The following C5AR1 variants were observed in gnomAD, a reference collection of about 807,000 sequenced individuals.
C5AR1 encodes the protein C5a anaphylatoxin chemotactic receptor 1.
A neutral mutation model predicts 2.4 loss-of-function variants in C5AR1; 4 were observed. That is an observed-to-expected ratio of 1.65 (90% CI 0.81 to 3.77). The LOEUF (loss-of-function observed/expected upper bound fraction) is 3.77. C5AR1 is among the 30% of genes most tolerant of loss of function. The probability of loss-of-function intolerance (pLI) is 0.01; values close to 1 mark genes in which losing one functional copy is unlikely to be tolerated. For synonymous variants in C5AR1, 209 were observed against 210.4 expected (o/e 0.99, Z 0.06); for missense variants, 418 against 462.5 (o/e 0.90, Z 0.88).
intron 1 of C5AR1, among the ~76,000 whole-genome samples, chr19:47,311,057 C>T (rs148062166): frequency 7.2e-5 from 11 of 152,250 alleles, no homozygotes; most frequent in East Asian, 1.9e-4. Context: ...AAAGAGGAAA[C>T]GGAAGATGGT....
At chr19:47,314,936 C>T (rs899133686) in intron 1 of C5AR1, among the ~76,000 whole-genome samples, 1 of 152,234 alleles carries the variant, frequency 6.6e-6, no homozygotes, top group African/African-American at 2.4e-5. Context: ...TCAAGTGATC[C>T]ACCTTCCTTG....
chr19:47,320,903 C>A lies in C5AR1; in HGVS notation c.*73C>A. 1 of 1,369,266 alleles carries A rather than the reference C, an allele frequency of 7.3e-7. No individual in the cohort carries two copies. The highest frequency in any genetic ancestry group is 1.0e-6 in the Non-Finnish European group (1 of 1,003,390). 84.8% of individuals were successfully genotyped at this position (1,369,266 alleles called of 1,614,324 possible). On this transcript the variant is annotated 3_prime_UTR_variant, in exon 2 of 2. Transcript: ENST00000355085. This position sits in a 1 kb window ranked among gnomAD's most constrained non-coding sequence, Gnocchi z 4.9. ...GCCATTCTCCCTCTTGTTTTCACTT[C>A]ACTTTTCGTGGGATGGTGTTACCTT... is the stretch of plus-strand genomic sequence containing the variant.
In C5AR1 at chr19:47,320,533, TATC is replaced by T. The variant is rs1477853307; in HGVS notation, c.757_759del (p.Ile253del). On this transcript the variant is annotated inframe_deletion, in exon 2 of 2. Coordinates refer to ENST00000355085, the MANE Select transcript of C5AR1 (RefSeq NM_001736.4). This position sits in a 1 kb window ranked among gnomAD's most constrained non-coding sequence, Gnocchi z 4.9. ...TGGTGGCAGTGGTGGCCAGTTTCTT[TATC>T]TTCTGGTTGCCCTACCAGGTGACGG... The T allele has an allele frequency of 6.2e-7, 1 of 1,613,684 alleles. No homozygotes were observed. The highest frequency in any genetic ancestry group is 8.5e-7 in the Non-Finnish European group (1 of 1,179,988).
At position 47,320,364 on chromosome 19, in the gene C5AR1, A is replaced by G. The variant is rs1389703471; in HGVS notation, c.587A>G (p.Lys196Arg). The G allele has an allele frequency of 6.2e-7, 1 of 1,609,588 alleles. No homozygotes were observed. The highest frequency in any genetic ancestry group is 1.3e-5 in the African/African-American group (1 of 74,900). Residue 196 changes from lysine to arginine, a missense_variant, in exon 2 of 2, where the codon AAA becomes AGA. Transcript: ENST00000355085. The surrounding 1 kb of genome is among the most constrained non-coding windows in gnomAD (Gnocchi z 4.9). ...VLCGVDYSHD[K>R]RRERAVAIVR... is the part of the protein sequence containing the mutation. ...TGTGGCGTGGACTACAGCCACGACAAACGGCGGGAGCGAGCCGTGGCCATC... is the reference window on the plus strand; with the variant it reads ...TGTGGCGTGGACTACAGCCACGACAGACGGCGGGAGCGAGCCGTGGCCATC...
intron 1 of C5AR1, 103 bp downstream of exon 1, chr19:47,310,001 G>A (rs1372885006): frequency 8.4e-7 from 1 of 1,197,500 alleles, no homozygotes; most frequent in Non-Finnish European, 1.2e-6. Flanking sequence ...CGTCAACTCT[G>A]TCTGTCTCTC....
upstream of C5AR1, among the ~76,000 whole-genome samples, chr19:47,309,106 T>TA (rs2059262236): frequency 6.6e-6 from 1 of 152,212 alleles, no homozygotes; most frequent in Admixed American, 6.6e-5. Flanking sequence ...AAAATATACT[T>TA]AAATGCTGGG....
upstream of C5AR1, among the ~76,000 whole-genome samples, chr19:47,309,303 A>G (rs555752656): frequency 3.9e-5 from 6 of 152,270 alleles, no homozygotes; most frequent in African/African-American, 1.4e-4. Flanking sequence ...GGCCGGGCGC[A>G]GTGGCTCACA....
upstream of C5AR1, chr19:47,309,795 A>G (rs2059264251): frequency 3.8e-6 from 5 of 1,319,918 alleles, no homozygotes; most frequent in Admixed American, 5.7e-5. Context: ...CCAGAGAGAA[A>G]GACGGTCATT....
upstream of C5AR1, among the ~76,000 whole-genome samples, chr19:47,308,558 T>C (rs931157814): frequency 5.0e-5 from 7 of 140,454 alleles, no homozygotes; most frequent in African/African-American, 1.5e-4. Flanking sequence ...TTTTCTTTTC[T>C]TTTTTTTTTT....
upstream of C5AR1, among the ~76,000 whole-genome samples, chr19:47,308,807 C>A (rs2059261521): frequency 6.8e-6 from 1 of 147,812 alleles, no homozygotes; most frequent in Admixed American, 6.8e-5. Flanking sequence ...CAGAGTCTTG[C>A]TTTGTTGCCC....
Position 47,319,815 on chromosome 19 carries a change from A to G in C5AR1, c.38A>G (p.His13Arg). 6.2e-7 allele frequency: 1 copy of G among 1,613,274 alleles called. No individual in the cohort carries two copies. The change falls in exon 2 of 2, where the codon CAC (histidine) becomes CGC (arginine). Residue 13 changes from histidine (H) to arginine (R), a missense_variant. Coordinates refer to ENST00000355085, the MANE Select transcript of C5AR1 (RefSeq NM_001736.4). ...AATTATACCACCCCTGATTATGGGC[A>G]CTATGATGACAAGGATACCCTGGAC... The part of the protein sequence containing the change: ...SFNYTTPDYG[H>R]YDDKDTLDLN...
At chr19:47,309,799 G>A (rs1390703204), upstream of C5AR1, 12 of 1,336,708 alleles carry the variant, frequency 9.0e-6, no homozygotes, top group Non-Finnish European at 6.3e-6. Flanking sequence ...AGAGAAAGAC[G>A]GTCATTTCCT....
Position 47,321,013 on chromosome 19 carries a change from T to G in C5AR1, c.*183T>G. On this transcript the variant is annotated 3_prime_UTR_variant, in exon 2 of 2. Coordinates refer to ENST00000355085, the MANE Select transcript of C5AR1 (RefSeq NM_001736.4). ...CGGGACTCTTCTCATCCTTCCTCAT[T>G]TGCAAGGTGAACACTTCCTTCTAGG... 1.8e-6 allele frequency: 1 copy of G among 554,484 alleles called. No homozygotes were observed. Among genetic ancestry groups the G allele is most frequent in the Non-Finnish European group, 3.2e-6 (1 of 315,332 alleles). 34.3% of individuals were successfully genotyped at this position (554,484 alleles called of 1,614,324 possible).
chr19:47,314,065 A>G (rs1393532293), intron 1 of C5AR1, among the ~76,000 whole-genome samples: 1 of 152,124 alleles, frequency 6.6e-6, no homozygotes, highest in Non-Finnish European at 1.5e-5. Context: ...TGTCTAAGCC[A>G]CCGTCATGCC....
At chr19:47,308,070 G>A (rs371694831), upstream of C5AR1, among the ~76,000 whole-genome samples, 557 of 151,814 alleles carry the variant, frequency 3.7e-3, 3 homozygotes, top group Middle Eastern at 0.027. Flanking sequence ...AAAATTAGCC[G>A]GGTGCAGTGG....
rs760139073 is a variant in C5AR1 at position 47,320,787 on chromosome 19, G to T, written c.1010G>T (p.Arg337Leu). The T allele has an allele frequency of 5.6e-6, 9 of 1,613,872 alleles. No individual in the cohort carries two copies. The African/African-American group carries it at 9.3e-5, about 17-fold the overall frequency. ...GTTAGGGAGAGCAAGTCATTCACGC[G>T]CTCCACAGTGGACACTATGGCCCAG... ...SVVRESKSFT[R>L]STVDTMAQKT... Residue 337 changes from arginine to leucine, a missense_variant, in exon 2 of 2, where the codon CGC becomes CTC. Coordinates refer to ENST00000355085, the MANE Select transcript of C5AR1 (RefSeq NM_001736.4). This position sits in a 1 kb window ranked among gnomAD's most constrained non-coding sequence, Gnocchi z 4.9.
chr19:47,312,752 T>C (rs1364144123), intron 1 of C5AR1, among the ~76,000 whole-genome samples: 1 of 152,120 alleles, frequency 6.6e-6, no homozygotes, highest in Non-Finnish European at 1.5e-5. Flanking sequence ...TTTTTTCTTT[T>C]TTCTAGACAG....
At chr19:47,311,373 A>G (rs1381520251) in intron 1 of C5AR1, among the ~76,000 whole-genome samples, 3 of 151,992 alleles carry the variant, frequency 2.0e-5, no homozygotes, top group African/African-American at 7.2e-5. Flanking sequence ...AGCTGGGCAT[A>G]TAAGCGGGCG....
chr19:47,318,578 A>G (rs1403270808), intron 1 of C5AR1, among the ~76,000 whole-genome samples: 2 of 152,088 alleles, frequency 1.3e-5, no homozygotes, highest in Non-Finnish European at 2.9e-5. Context: ...ATAGGTGTGC[A>G]CCACCACACC....
Sources: gnomAD v4.1 joint callset for allele counts (sites outside exome capture counted in the v4.1 genomes callset) on GRCh38, gnomAD v4.1.1 for gene constraint, Gnocchi (gnomAD v3.1) non-coding constraint, MANE v1.5 for transcripts, NCBI Gene and HGNC (gene_info 2026-07-23, HGNC 2026-07-21) for gene names.